Variants in HPSE2 observed in about 807,000 individuals in gnomAD.
HPSE2 encodes the protein inactive heparanase-2.
HPSE2 carries 38 observed loss-of-function variants against 60.5 expected under a neutral mutation model. That is an observed-to-expected ratio of 0.63 (90% CI 0.48 to 0.82). The LOEUF is 0.82. Ranked by LOEUF, HPSE2 falls within the 40% of genes least tolerant of loss-of-function variation. HPSE2 has a pLI of 0.00. For missense variants in HPSE2, 713 were observed against 740.4 expected, an observed-to-expected ratio of 0.96 and a Z score of 0.43; for synonymous variants, 295 against 293.2, an observed-to-expected ratio of 1.01 and a Z score of -0.06.
intron 9 of HPSE2, among the ~76,000 whole-genome samples, chr10:98,603,649 C>G (rs1212441430): frequency 6.6e-6 from 1 of 152,004 alleles, no homozygotes; most frequent in Non-Finnish European, 1.5e-5. Flanking sequence ...AGGATGGTCT[C>G]TATCTCCTGA....
At chr10:99,134,951 T>A (rs1169300399) in intron 3 of HPSE2, among the ~76,000 whole-genome samples, 2 of 152,102 alleles carry the variant, frequency 1.3e-5, no homozygotes, top group Non-Finnish European at 2.9e-5. Context: ...GATCCATCAG[T>A]GTGCTGTATT....
At chr10:98,795,689 A>AGCCAGGG (rs1286840894) in intron 3 of HPSE2, among the ~76,000 whole-genome samples, 2 of 152,196 alleles carry the variant, frequency 1.3e-5, no homozygotes, top group African/African-American at 4.8e-5. Context: ...GGAAGATACC[A>AGCCAGGG]GCCAGGGTGG....
intron 9 of HPSE2, among the ~76,000 whole-genome samples, chr10:98,515,664 T>C (rs755621960): frequency 6.6e-6 from 1 of 152,206 alleles, no homozygotes; most frequent in Non-Finnish European, 1.5e-5. Context: ...ACAGAGCATT[T>C]TCTTTTTAAG....
At chr10:99,220,908 T>A (rs111369766) in intron 2 of HPSE2, among the ~76,000 whole-genome samples, 3,860 of 137,864 alleles carry the variant, frequency 0.028, 180 homozygotes, top group African/African-American at 0.099. Context: ...CAGGCTGGAG[T>A]GCAACAGCTC....
At chr10:99,027,517 A>G (rs777536109) in intron 3 of HPSE2, among the ~76,000 whole-genome samples, 4 of 152,228 alleles carry the variant, frequency 2.6e-5, no homozygotes, top group Admixed American at 6.5e-5. Context: ...TTCACTGATG[A>G]ATTCTACAAA....
At chr10:98,518,772 G>A (rs1942688263) in intron 9 of HPSE2, among the ~76,000 whole-genome samples, 3 of 151,710 alleles carry the variant, frequency 2.0e-5, no homozygotes, top group Non-Finnish European at 2.9e-5. Flanking sequence ...AAATTAACAA[G>A]ATAATGCGTG....
chr10:98,762,180 G>T (rs1950020675), intron 3 of HPSE2, among the ~76,000 whole-genome samples: 1 of 150,998 alleles, frequency 6.6e-6, no homozygotes. Flanking sequence ...TTGAAAAATG[G>T]GACCTTGTTC....
At chr10:99,305,979 G>GCGCGCGCGCACACACACACACA in the HPSE2 span, among the ~76,000 whole-genome samples, 36 of 80,574 alleles carry the variant, frequency 4.5e-4, no homozygotes, top group African/African-American at 6.5e-4. Context: ...GCGCGCGCGC[G>GCGCGCGCGCACACACACACACA]CACACACACA....
chr10:99,155,916 A>C lies in HPSE2; in HGVS notation c.449-11517T>G, dbSNP rs1000593334. 4.2e-3 allele frequency among the ~76,000 whole-genome samples: 642 copies of C among 151,940 alleles called. 4 individuals carry two copies. Among genetic ancestry groups the C allele is most frequent in the African/African-American group, 0.015 (613 of 41,504 alleles). On this transcript the variant is annotated intron_variant, in intron 2 of 11. Transcript: ENST00000370552. ...GACACAATAAAAAATGATAAAGGGG[A>C]TATCACCACCGATCCCACAGAAATA...
intron 3 of HPSE2, among the ~76,000 whole-genome samples, chr10:98,795,108 TG>T (rs1950750599): frequency 7.0e-6 from 1 of 143,838 alleles, no homozygotes; most frequent in African/African-American, 2.6e-5. Flanking sequence ...AAGGGCAAGA[TG>T]GAAGAATAGA....
chr10:99,245,389 G>A, the HPSE2 span, among the ~76,000 whole-genome samples: 12 of 152,250 alleles, frequency 7.9e-5, no homozygotes, highest in East Asian at 1.4e-3. Context: ...TAGGTTTCAG[G>A]TAATGAGGAG....
the HPSE2 span, among the ~76,000 whole-genome samples, chr10:99,242,517 T>C: frequency 6.6e-6 from 1 of 152,202 alleles, no homozygotes; most frequent in Non-Finnish European, 1.5e-5. Flanking sequence ...GACAGTTACT[T>C]GAGGGACTGC....
intron 6 of HPSE2, among the ~76,000 whole-genome samples, chr10:98,665,191 C>G (rs1947329595): frequency 6.6e-6 from 1 of 152,096 alleles, no homozygotes; most frequent in Admixed American, 6.5e-5. Flanking sequence ...GCTGAGGAAA[C>G]TCTCAGTTTG....
At chr10:99,278,716 T>C in the HPSE2 span, among the ~76,000 whole-genome samples, 1 of 152,214 alleles carries the variant, frequency 6.6e-6, no homozygotes, top group Non-Finnish European at 1.5e-5. Context: ...TCCACTAAAC[T>C]TACTGTGTGA....
chr10:98,524,876 C>T (rs1488978218), intron 9 of HPSE2, among the ~76,000 whole-genome samples: 5 of 152,120 alleles, frequency 3.3e-5, no homozygotes, highest in Non-Finnish European at 5.9e-5. Context: ...TGAATGGTAA[C>T]ACTCATGCTA....
intron 3 of HPSE2, among the ~76,000 whole-genome samples, chr10:98,805,283 AAATTGTAACCTT>A (rs2134545927): frequency 6.6e-6 from 1 of 152,344 alleles, no homozygotes; most frequent in African/African-American, 2.4e-5. Context: ...TCACAAAAAA[AAATTGTAACCTT>A]TGGCATAAAT....
chr10:98,563,663 T>A (rs1480033138), intron 9 of HPSE2, among the ~76,000 whole-genome samples: 1 of 152,210 alleles, frequency 6.6e-6, no homozygotes, highest in African/African-American at 2.4e-5. Flanking sequence ...TTACCCATTA[T>A]TTTACTACTC....
intron 9 of HPSE2, among the ~76,000 whole-genome samples, chr10:98,580,148 TC>T (rs1308857903): frequency 1.3e-5 from 2 of 152,238 alleles, no homozygotes; most frequent in African/African-American, 4.8e-5. Flanking sequence ...TACTCCTTTT[TC>T]TCTCTGGAAG....
Position 98,918,727 on chromosome 10 carries a change from C to T in HPSE2, c.611-174671G>A, listed in dbSNP as rs868846318. Among the ~76,000 whole-genome samples, 14 of 144,188 alleles carry T rather than the reference C, an allele frequency of 9.7e-5. No individual in the cohort carries two copies. In the South Asian group the frequency reaches 3.3e-3, roughly 34 times the overall value. 94.6% of individuals were successfully genotyped at this position (144,188 alleles called of 152,430 possible). ...ATAGCATTAGGAGATATACCTAATG[C>T]TAAATGACGAGTTAATGGGTGCAGC... On this transcript the variant is annotated intron_variant, in intron 3 of 11. Coordinates refer to ENST00000370552, the MANE Select transcript of HPSE2 (RefSeq NM_021828.5).
Sources: allele counts gnomAD v4.1 joint callset (sites outside exome capture counted in the v4.1 genomes callset), GRCh38; gene constraint gnomAD v4.1.1; transcripts MANE v1.5; gene names NCBI Gene and HGNC (gene_info 2026-07-23, HGNC 2026-07-21).